The following EXPH5 variants were observed in gnomAD, a reference collection of about 807,000 sequenced individuals.
EXPH5 encodes the protein exophilin-5.
EXPH5 carries 42 observed loss-of-function variants against 41.1 expected under a neutral mutation model. That is an observed-to-expected ratio of 1.02 (90% confidence interval 0.80 to 1.32). EXPH5 has a LOEUF of 1.32. Among genes scored for constraint, EXPH5 ranks in the 40% most tolerant of loss-of-function variants. The pLI, the probability that EXPH5 is intolerant of heterozygous loss-of-function variation, is 0.00. For synonymous variants in EXPH5, 798 were observed against 833.5 expected (o/e 0.96, Z 0.73); for missense variants, 2,298 against 2,314.5 (o/e 0.99, Z 0.15).
At chr11:108,601,576 A>G in the EXPH5 span, among the ~76,000 whole-genome samples, 6 of 152,166 alleles carry the variant, frequency 3.9e-5, no homozygotes, top group African/African-American at 1.4e-4. Flanking sequence ...TCAAGGTGTA[A>G]TTTCAAAGTT....
At position 108,510,137 on chromosome 11, in the gene EXPH5, G is replaced by A. The variant is rs2093667924; in HGVS notation, c.5370C>T (p.His1790=). The A allele has an allele frequency of 6.2e-7, 1 of 1,613,902 alleles. No individual in the cohort carries two copies. Among genetic ancestry groups the A allele is most frequent in the Non-Finnish European group, 8.5e-7 (1 of 1,180,024 alleles). The change falls in exon 6 of 6, where the codon CAC becomes CAT. Residue 1790 remains histidine (H), a synonymous_variant. Transcript: ENST00000265843. ...TTTTTAAACTCTTTGAACGATAGAG[G>A]TGTGGCTCAGGTTCCCACTCCAGAG... ...ASSLEWEPEP[H]LYRSKSLKSI...
In EXPH5 at chr11:108,513,121, T is replaced by C. The variant is rs201813918; in HGVS notation, c.2386A>G (p.Lys796Glu). The change falls in exon 6 of 6, where the codon AAG becomes GAG. Residue 796 changes from lysine (K) to glutamate (E), a missense_variant. By Grantham distance (56) the Lys-to-Glu change is moderately conservative. Coordinates refer to ENST00000265843, the MANE Select transcript of EXPH5 (RefSeq NM_015065.3). ...TDKSNDIKQD[K>E]RFTENRKLGS... ...AGTTTTCTGTTTTCAGTAAACCTCT[T>C]ATCTTGTTTAATGTCATTGGATTTA... 5.2e-5 allele frequency: 84 copies of C among 1,611,472 alleles called. No individual in the cohort carries two copies. Among genetic ancestry groups the C allele is most frequent in the Non-Finnish European group, 6.5e-5 (77 of 1,179,414 alleles).
At chr11:108,596,217 A>G (rs1193834281), upstream of EXPH5, among the ~76,000 whole-genome samples, 1 of 152,122 alleles carries the variant, frequency 6.6e-6, no homozygotes, top group Non-Finnish European at 1.5e-5. Context: ...AACTTTGGGT[A>G]GATTACTCTG....
chr11:108,574,077 G>T (rs796866285), intron 1 of EXPH5, among the ~76,000 whole-genome samples: 1,951 of 142,326 alleles, frequency 0.014, 57 homozygotes, highest in African/African-American at 0.046. Flanking sequence ...AATTTTGTGT[G>T]TTTTTTTTTT....
chr11:108,583,552 T>G (rs1266116621), intron 1 of EXPH5, among the ~76,000 whole-genome samples: 1 of 151,984 alleles, frequency 6.6e-6, no homozygotes, highest in Non-Finnish European at 1.5e-5. Context: ...CCGGGCATGG[T>G]GGCTTATGCC....
chr11:108,507,829 G>A lies in EXPH5; in HGVS notation c.*1708C>T, dbSNP rs1199777378. 1.3e-5 allele frequency: 2 copies of A among 151,726 alleles called. No homozygotes were observed. The highest frequency in any genetic ancestry group is 4.8e-5 in the African/African-American group (2 of 41,278). The allele number at this position is 151,726 out of a possible 1,614,324, so 9.4% of individuals were successfully genotyped here. ...CCCACTTGATATTTGGGACTAAAAT[G>A]CCCCACCTGAAAAGAAGCGTTCTAC... is the stretch of plus-strand genomic sequence containing the variant. On this transcript the variant is annotated 3_prime_UTR_variant, in exon 6 of 6. Coordinates refer to ENST00000265843, the MANE Select transcript of EXPH5 (RefSeq NM_015065.3).
chr11:108,603,767 C>T, the EXPH5 span, among the ~76,000 whole-genome samples: 1 of 152,222 alleles, frequency 6.6e-6, no homozygotes, highest in Non-Finnish European at 1.5e-5. Flanking sequence ...ATTTGCTCCA[C>T]ATGACTGAAT....
intron 1 of EXPH5, among the ~76,000 whole-genome samples, chr11:108,549,749 T>G (rs2093955099): frequency 6.6e-6 from 1 of 152,184 alleles, no homozygotes; most frequent in Admixed American, 6.5e-5. Flanking sequence ...AGCTGGGTGA[T>G]CTTGGCCAAA....
At chr11:108,603,013 G>A in the EXPH5 span, among the ~76,000 whole-genome samples, 1 of 152,126 alleles carries the variant, frequency 6.6e-6, no homozygotes, top group Non-Finnish European at 1.5e-5. Context: ...GAATTCTTGT[G>A]AGATCTGATG....
intron 1 of EXPH5, among the ~76,000 whole-genome samples, chr11:108,590,910 C>A (rs2094125998): frequency 6.6e-6 from 1 of 152,220 alleles, no homozygotes; most frequent in Non-Finnish European, 1.5e-5. Flanking sequence ...GCCTCAGTCT[C>A]CCAAAGCACT....
At chr11:108,540,615 A>G (rs376279602) in intron 2 of EXPH5, among the ~76,000 whole-genome samples, 2 of 152,162 alleles carry the variant, frequency 1.3e-5, no homozygotes, top group African/African-American at 4.8e-5. Flanking sequence ...CAGTAAAAAG[A>G]TATTTTATTT....
intron 3 of EXPH5, among the ~76,000 whole-genome samples, chr11:108,531,424 A>G (rs1268769739): frequency 6.6e-6 from 1 of 152,220 alleles, no homozygotes; most frequent in East Asian, 1.9e-4. Context: ...TACTAAAAAT[A>G]CAAAAAATTA....
intron 1 of EXPH5, 123 bp downstream of exon 1, chr11:108,593,295 T>A: frequency 1.2e-6 from 1 of 814,958 alleles, no homozygotes; most frequent in Non-Finnish European, 2.0e-6. Flanking sequence ...ACCCGCAGCC[T>A]CCGCAGCAGC....
At chr11:108,548,153 C>A (rs1043395856) in intron 1 of EXPH5, among the ~76,000 whole-genome samples, 1 of 139,282 alleles carries the variant, frequency 7.2e-6, no homozygotes, top group Non-Finnish European at 1.5e-5. Context: ...TCTCAGAGTT[C>A]TTTACTGGAA....
upstream of EXPH5, among the ~76,000 whole-genome samples, chr11:108,596,279 T>C (rs2094138836): frequency 6.6e-6 from 1 of 152,152 alleles, no homozygotes; most frequent in South Asian, 2.1e-4. Context: ...GAAACCATTG[T>C]GTTGGAATGC....
chr11:108,564,562 A>ATT (rs2094026505), intron 1 of EXPH5, among the ~76,000 whole-genome samples: 2 of 152,214 alleles, frequency 1.3e-5, no homozygotes, highest in Non-Finnish European at 2.9e-5. Flanking sequence ...TTTTAGAGTC[A>ATT]TAATGTTGAA....
chr11:108,540,701 A>C (rs1211634330), intron 2 of EXPH5, among the ~76,000 whole-genome samples: 2 of 152,078 alleles, frequency 1.3e-5, no homozygotes, highest in Non-Finnish European at 2.9e-5. Flanking sequence ...GTATCCTTTT[A>C]ATCTATATAG....
chr11:108,548,423 T>C (rs1940211), intron 1 of EXPH5, among the ~76,000 whole-genome samples: 91,902 of 151,990 alleles, frequency 0.6, 29,893 homozygotes, highest in East Asian at 0.75. Context: ...AGTAGTGTCA[T>C]GCAGATACAT....
intron 1 of EXPH5, among the ~76,000 whole-genome samples, chr11:108,569,214 C>A (rs1438018978): frequency 1.3e-5 from 2 of 152,186 alleles, no homozygotes; most frequent in African/African-American, 4.8e-5. Context: ...TCAGTTCAGG[C>A]ACCACCACCT....
Sources: gnomAD v4.1 joint callset for allele counts (sites outside exome capture counted in the v4.1 genomes callset) on GRCh38, gnomAD v4.1.1 for gene constraint, MANE v1.5 for transcripts, NCBI Gene and HGNC (gene_info 2026-07-23, HGNC 2026-07-21) for gene names.